Variants in TTL observed in about 807,000 individuals in gnomAD.
The protein encoded by TTL is tubulin tyrosine ligase.
TTL carries 10 observed loss-of-function variants against 41.1 expected under a neutral mutation model. The ratio of observed to expected loss-of-function variants is 0.24; its 90% CI spans 0.15 to 0.41. The LOEUF is 0.41. TTL is among the 10% of genes least tolerant of loss of function. TTL has a pLI of 1.00. For missense variants in TTL, 367 were observed against 460.4 expected (o/e 0.80, Z 1.86); for synonymous variants, 175 against 175.5 (o/e 1.00, Z 0.02).
At position 112,489,273 on chromosome 2, in the gene TTL, C is replaced by T. The variant is rs141934642; in HGVS notation, c.236+3278C>T. Reference sequence around the variant, plus strand: ...CATCTTAATTCAAACAGTAAATTTTCATTGGAAAGCTTTGATCTGAATTTA... The same window carrying T: ...CATCTTAATTCAAACAGTAAATTTTTATTGGAAAGCTTTGATCTGAATTTA... On this transcript the variant is annotated intron_variant, in intron 2 of 6. Transcript: ENST00000233336. 2.0e-3 allele frequency among the ~76,000 whole-genome samples: 306 copies of T among 152,150 alleles called. 2 individuals carry two copies. The highest frequency in any genetic ancestry group is 0.01 in the Middle Eastern group (3 of 294).
chr2:112,492,167 T>C (rs1033440677), intron 2 of TTL, among the ~76,000 whole-genome samples: 1 of 152,222 alleles, frequency 6.6e-6, no homozygotes, highest in African/African-American at 2.4e-5. Flanking sequence ...ATACTAGAAA[T>C]GACACATGGC....
chr2:112,498,358 TC>T (rs1681592595), intron 3 of TTL, among the ~76,000 whole-genome samples: 1 of 152,048 alleles, frequency 6.6e-6, no homozygotes, highest in South Asian at 2.1e-4. Context: ...CTACTTACAG[TC>T]ACCCTAGAGA....
intron 3 of TTL, among the ~76,000 whole-genome samples, chr2:112,494,986 A>G (rs1204599671): frequency 6.6e-6 from 1 of 152,136 alleles, no homozygotes; most frequent in Non-Finnish European, 1.5e-5. Context: ...CTTAAGACTT[A>G]CCAGCTGGCT....
chr2:112,499,724 G>T (rs1445968313), intron 3 of TTL, among the ~76,000 whole-genome samples: 1 of 152,144 alleles, frequency 6.6e-6, no homozygotes, highest in Non-Finnish European at 1.5e-5. Flanking sequence ...TCATACATAT[G>T]ACAAGGGACT....
intron 5 of TTL, among the ~76,000 whole-genome samples, chr2:112,510,188 A>T (rs1681887549): frequency 6.6e-6 from 1 of 152,148 alleles, no homozygotes; most frequent in South Asian, 2.1e-4. Flanking sequence ...CTGGAGTACA[A>T]GTGTGATCAT....
intron 2 of TTL, among the ~76,000 whole-genome samples, chr2:112,491,132 C>T (rs1681374308): frequency 6.6e-6 from 1 of 152,120 alleles, no homozygotes; most frequent in African/African-American, 2.4e-5. Flanking sequence ...GCTGGGACTA[C>T]AGGCAACTGC....
rs1682497820 is a variant in TTL, at chr2:112,531,094, C to T, written c.*2299C>T. 3 of 210,194 alleles carry T rather than the reference C, an allele frequency of 1.4e-5. No individual in the cohort carries two copies. Among genetic ancestry groups the T allele is most frequent in the Admixed American group, 1.2e-4 (2 of 16,980 alleles). 13.0% of individuals were successfully genotyped at this position (210,194 alleles called of 1,614,324 possible). On this transcript the variant is annotated 3_prime_UTR_variant, in exon 7 of 7. Coordinates refer to ENST00000233336, the MANE Select transcript of TTL (RefSeq NM_153712.5). ...TTCTGGGCTTGAGCAGTCCTCCCGT[C>T]TCAGCCTCCTGAGTAGCTGAGACTA... is the stretch of plus-strand genomic sequence containing the variant.
intron 6 of TTL, among the ~76,000 whole-genome samples, chr2:112,527,172 T>G (rs1682392696): frequency 6.6e-6 from 1 of 152,236 alleles, no homozygotes; most frequent in South Asian, 2.1e-4. Flanking sequence ...ATAATTTCTG[T>G]TCTTTTACAT....
chr2:112,484,180 A>G (rs1681171509), intron 1 of TTL, among the ~76,000 whole-genome samples: 1 of 151,598 alleles, frequency 6.6e-6, no homozygotes, highest in Admixed American at 6.6e-5. Flanking sequence ...TCCTGAACAG[A>G]TACCACAAAT....
At chr2:112,503,916 A>C in intron 5 of TTL, among the ~76,000 whole-genome samples, 1 of 86,438 alleles carries the variant, frequency 1.2e-5, no homozygotes, top group African/African-American at 4.6e-5. Context: ...GCACCCACTA[A>C]TGTGTCATCT....
At chr2:112,500,157 A>G (rs1332775865) in intron 3 of TTL, among the ~76,000 whole-genome samples, 1 of 152,130 alleles carries the variant, frequency 6.6e-6, no homozygotes, top group Non-Finnish European at 1.5e-5. Flanking sequence ...TCCAGATGAG[A>G]CATCCATAGA....
chr2:112,518,805 G>C (rs942563486), intron 5 of TTL, among the ~76,000 whole-genome samples: 1 of 151,844 alleles, frequency 6.6e-6, no homozygotes, highest in Non-Finnish European at 1.5e-5. Flanking sequence ...GTCTGGAGTA[G>C]CTGGGATTAT....
At position 112,529,428 on chromosome 2, in the gene TTL, T is replaced by G. The variant is rs1241823556; in HGVS notation, c.*633T>G. On this transcript the variant is annotated 3_prime_UTR_variant, in exon 7 of 7. Coordinates refer to ENST00000233336, the MANE Select transcript of TTL (RefSeq NM_153712.5). ...GCTCTAAGTCTGCTCTCTGCATGTT[T>G]TAGAAACAAAGTGGCAAGTCTGCCC... 4.4e-6 allele frequency: 1 copy of G among 227,916 alleles called. No homozygotes were observed. The allele number at this position is 227,916 out of a possible 1,614,324, so 14.1% of individuals were successfully genotyped here.
intron 5 of TTL, among the ~76,000 whole-genome samples, chr2:112,510,524 T>G (rs958111746): frequency 2.0e-5 from 3 of 151,862 alleles, no homozygotes; most frequent in African/African-American, 4.8e-5. Flanking sequence ...CAGGCTGGAG[T>G]GCAATGGCAC....
At position 112,529,145 on chromosome 2, in the gene TTL, T is replaced by C; in HGVS notation, c.*350T>C. 1 of 390,062 alleles carries C rather than the reference T, an allele frequency of 2.6e-6. No individual in the cohort carries two copies. Among genetic ancestry groups the C allele is most frequent in the East Asian group, 4.2e-5 (1 of 23,940 alleles). 24.2% of individuals were successfully genotyped at this position (390,062 alleles called of 1,614,324 possible). A position where few individuals can be genotyped will look rare whatever the true frequency, so the allele number is the denominator to read the frequency against. On this transcript the variant is annotated 3_prime_UTR_variant, in exon 7 of 7. Transcript: ENST00000233336. Reference sequence around the variant, plus strand: ...CTGCAGCCCTAGTGCCTTAGCTCCATGCCCGGCTGCAGCCCCACTGCTCTG... The same window carrying C: ...CTGCAGCCCTAGTGCCTTAGCTCCACGCCCGGCTGCAGCCCCACTGCTCTG...
chr2:112,515,615 AGCATCCCAG>A (rs1682047644), intron 5 of TTL, among the ~76,000 whole-genome samples: 1 of 152,238 alleles, frequency 6.6e-6, no homozygotes, highest in Admixed American at 6.5e-5. Context: ...AAACATTTAC[AGCATCCCAG>A]AAGACTCCTT....
At chr2:112,509,358 T>C (rs965688234) in intron 5 of TTL, among the ~76,000 whole-genome samples, 9 of 152,096 alleles carry the variant, frequency 5.9e-5, no homozygotes, top group African/African-American at 1.4e-4. Context: ...TCGAGCTTCC[T>C]GGCTGCTTTG....
At chr2:112,513,445 C>A (rs1454223490) in intron 5 of TTL, among the ~76,000 whole-genome samples, 2 of 151,824 alleles carry the variant, frequency 1.3e-5, no homozygotes, top group Admixed American at 6.6e-5. Flanking sequence ...TTCTGACTCT[C>A]TCTCTTATGC....
chr2:112,498,766 A>G (rs1275640037), intron 3 of TTL, among the ~76,000 whole-genome samples: 3 of 151,942 alleles, frequency 2.0e-5, no homozygotes, highest in African/African-American at 4.8e-5. Flanking sequence ...TTAGCCAGGC[A>G]TGGTGGCGGG....
Sources: allele counts gnomAD v4.1 joint callset (sites outside exome capture counted in the v4.1 genomes callset), GRCh38; gene constraint gnomAD v4.1.1; transcripts MANE v1.5; gene names NCBI Gene and HGNC (gene_info 2026-07-23, HGNC 2026-07-21).